The following MYBPC3 variants were observed in gnomAD, a reference collection of about 807,000 sequenced individuals.
MYBPC3 encodes the protein myosin-binding protein C, cardiac-type.
In MYBPC3, 108 loss-of-function variants were observed where a neutral mutation model predicts 159.3. The observed-to-expected ratio is 0.68, with a 90% CI of 0.58 to 0.80. The LOEUF (loss-of-function observed/expected upper bound fraction) is 0.80. Ranked by LOEUF, MYBPC3 falls within the 30% of genes least tolerant of loss-of-function variation. The pLI is 0.00. For missense variants in MYBPC3, 1,631 were observed against 1,762.1 expected (o/e 0.93, Z 1.33); for synonymous variants, 730 against 702.0 (o/e 1.04, Z -0.63).
chr11:47,351,189 GC>G lies in MYBPC3; in HGVS notation c.292+49del. ...TGGATGGATGGAGAGTCGCTGGGCT[GC>G]CCCTCCCCCAGCAGCCCAAACCTCA... On this transcript the variant is annotated intron_variant, in intron 2 of 34. Coordinates refer to ENST00000545968, the MANE Select transcript of MYBPC3 (RefSeq NM_000256.3). The surrounding 1 kb of genome is among the most constrained non-coding windows in gnomAD (Gnocchi z 4.2). 6.9e-7 allele frequency: 1 copy of G among 1,449,132 alleles called. No individual in the cohort carries two copies. The allele number at this position is 1,449,132 out of a possible 1,614,324, so 89.8% of individuals were successfully genotyped here.
chr11:47,332,308 A>G lies in MYBPC3; in HGVS notation c.3628-50T>C. ...GGGAAGCCATCCAGGCTGAGAGGGG[A>G]CCTGGCAGGGACCCAGGGAGACACA... On this transcript the variant is annotated intron_variant, in intron 32 of 34. Coordinates refer to ENST00000545968, the MANE Select transcript of MYBPC3 (RefSeq NM_000256.3). The surrounding 1 kb of genome is among the most constrained non-coding windows in gnomAD (Gnocchi z 4.2). The G allele has an allele frequency of 2.5e-6, 4 of 1,587,448 alleles. No homozygotes were observed. The highest frequency in any genetic ancestry group is 3.5e-6 in the Non-Finnish European group (4 of 1,156,776).
In MYBPC3 at chr11:47,343,019, A is replaced by G. The variant is rs397515897; in HGVS notation, c.1351+2T>C. 1 of 1,613,080 alleles carries G rather than the reference A, an allele frequency of 6.2e-7. No homozygotes were observed. The highest frequency in any genetic ancestry group is 1.3e-5 in the African/African-American group (1 of 75,018). On this transcript the variant is annotated splice_donor_variant, in intron 15 of 34. Coordinates refer to ENST00000545968, the MANE Select transcript of MYBPC3 (RefSeq NM_000256.3). LOFTEE classifies it high-confidence loss of function. ...TCCCACATCCTCAGGTCCCAGGCCC[A>G]CCTTTCACAAAGAGCTCCGTGCTAC...
Position 47,351,492 on chromosome 11 carries a change from G to C in MYBPC3, c.39C>G (p.Ser13Arg), listed in dbSNP as rs730880136. The change falls in exon 2 of 35, where the codon AGC (serine) becomes AGG (arginine). Residue 13 changes from serine to arginine, a missense_variant. Physicochemically the swap from Ser to Arg is moderately radical, Grantham distance 110. Coordinates refer to ENST00000545968, the MANE Select transcript of MYBPC3 (RefSeq NM_000256.3). The surrounding 1 kb of genome is among the most constrained non-coding windows in gnomAD (Gnocchi z 4.2). ...EPGKKPVSAF[S>R]KKPRSVEVAA... ...CCACTTCCACTGACCGTGGCTTCTTGCTAAAAGCTGAGACTGAAGGGCCAG... is the reference window on the plus strand; with the variant it reads ...CCACTTCCACTGACCGTGGCTTCTTCCTAAAAGCTGAGACTGAAGGGCCAG... 1 of 1,587,292 alleles carries C rather than the reference G, an allele frequency of 6.3e-7. No homozygotes were observed.
At chr11:47,347,818 A>G (rs954380093) in intron 7 of MYBPC3, 39 bp downstream of exon 7, 1 of 1,554,136 alleles carries the variant, frequency 6.4e-7, no homozygotes, top group East Asian at 2.4e-5. Context: ...CTCAGACTCC[A>G]GCACTGGCCT....
At position 47,348,408 on chromosome 11, in the gene MYBPC3, A is replaced by C; in HGVS notation, c.772+16T>G. On this transcript the variant is annotated intron_variant, in intron 6 of 34. Coordinates refer to ENST00000545968, the MANE Select transcript of MYBPC3 (RefSeq NM_000256.3). Reference sequence around the variant, plus strand: ...TGGGGAGCCCGAGCCCAGGACAGACACCAGGGCCCCCTCACCGTGGACAGT... The same window carrying C: ...TGGGGAGCCCGAGCCCAGGACAGACCCCAGGGCCCCCTCACCGTGGACAGT... 6.3e-7 allele frequency: 1 copy of C among 1,581,814 alleles called. No individual in the cohort carries two copies. Among genetic ancestry groups the C allele is most frequent in the Non-Finnish European group, 8.7e-7 (1 of 1,155,194 alleles).
chr11:47,342,139 A>G lies in MYBPC3; in HGVS notation c.1642T>C (p.Tyr548His). 2 of 1,613,962 alleles carry G rather than the reference A, an allele frequency of 1.2e-6. No homozygotes were observed. Among genetic ancestry groups the G allele is most frequent in the Non-Finnish European group, 1.7e-6 (2 of 1,179,878 alleles). The part of the protein sequence containing the change: ...LIVQEKKLEV[Y>H]QSIADLMVGA... The stretch of plus-strand genomic sequence containing the variant: ...ACCATCAGGTCTGCGATGCTCTGGT[A>G]CACCTCCAGCTTCTTTTCTGCAGGG... The change falls in exon 18 of 35, where the codon TAC becomes CAC. Residue 548 changes from tyrosine to histidine, a missense_variant. By Grantham distance (83) the Tyr-to-His change is moderately conservative. Coordinates refer to ENST00000545968, the MANE Select transcript of MYBPC3 (RefSeq NM_000256.3).
intron 3 of MYBPC3, 54 bp downstream of exon 3, chr11:47,350,448 C>T: frequency 6.5e-7 from 1 of 1,538,526 alleles, no homozygotes. Context: ...TTGAGACCTG[C>T]CCTGGACACG....
At chr11:47,341,526 G>C (rs2095888579) in intron 18 of MYBPC3, among the ~76,000 whole-genome samples, 1 of 152,206 alleles carries the variant, frequency 6.6e-6, no homozygotes, top group Non-Finnish European at 1.5e-5. Flanking sequence ...GTGAACTTGG[G>C]CCCAGCACGG....
chr11:47,346,398 G>C lies in MYBPC3; in HGVS notation c.927-28C>G, dbSNP rs771560787. On this transcript the variant is annotated intron_variant, in intron 11 of 34. Transcript: ENST00000545968. This position sits in a 1 kb window ranked among gnomAD's most constrained non-coding sequence, Gnocchi z 5.3. The stretch of plus-strand genomic sequence containing the variant: ...GTGTCCCGCAGTCTAGGCTGTGGCC[G>C]GGGGCAAGACTGCAGCCCCCTGGGC... 6.5e-7 allele frequency: 1 copy of C among 1,533,130 alleles called. No individual in the cohort carries two copies. Among genetic ancestry groups the C allele is most frequent in the South Asian group, 1.3e-5 (1 of 79,620 alleles). The allele number at this position is 1,533,130 out of a possible 1,614,324, so 95.0% of individuals were successfully genotyped here.
chr11:47,342,847 C>T lies in MYBPC3; in HGVS notation c.1440G>A (p.Glu480=), dbSNP rs749110971. The T allele has an allele frequency of 3.7e-6, 6 of 1,612,752 alleles. No individual in the cohort carries two copies. The South Asian group carries it at 5.5e-5, about 15-fold the overall frequency. ...RVEFECEVSE[E]GAQVKWLKDG... is the part of the protein sequence containing the mutation. ...GAACTCACCATTTGACTTGCGCCCC[C>T]TCCTCCGATACTTCACACTCAAACT... The change falls in exon 16 of 35, where the codon GAG becomes GAA. Residue 480 remains glutamate, a synonymous_variant. Transcript: ENST00000545968.
intron 8 of MYBPC3, 28 bp downstream of exon 8, chr11:47,347,623 G>C (rs1220068172): frequency 6.4e-7 from 1 of 1,570,440 alleles, no homozygotes. Context: ...TCTGCGGATG[G>C]TGCAGGTAGG....
At position 47,352,665 on chromosome 11, in the gene MYBPC3, C is replaced by A; in HGVS notation, c.-18G>T. The A allele has an allele frequency of 1.3e-6, 2 of 1,587,340 alleles. No homozygotes were observed. The highest frequency in any genetic ancestry group is 1.8e-5 in the Admixed American group (1 of 56,612). ...TCAGGCATCCTGAGAGACGTCACAC[C>A]AGGCACGAAGCAGGCACAGGTCACC... On this transcript the variant is annotated 5_prime_UTR_variant, in exon 1 of 35. Coordinates refer to ENST00000545968, the MANE Select transcript of MYBPC3 (RefSeq NM_000256.3).
chr11:47,339,550 G>T, intron 21 of MYBPC3, 101 bp downstream of exon 21: 1 of 1,482,348 alleles, frequency 6.7e-7, no homozygotes, highest in South Asian at 1.3e-5. Flanking sequence ...GCCAACAGCA[G>T]GGCGTGCACA....
At position 47,346,163 on chromosome 11, in the gene MYBPC3, G is replaced by T. The variant is rs1176291931; in HGVS notation, c.1090+44C>A. The stretch of plus-strand genomic sequence containing the variant: ...CCCTCTCCTCTCCTGTGTAGGGAAG[G>T]GCTAGCCTGTGCCCTCTCCTCTCCC... On this transcript the variant is annotated intron_variant, in intron 12 of 34. Coordinates refer to ENST00000545968, the MANE Select transcript of MYBPC3 (RefSeq NM_000256.3). This position sits in a 1 kb window ranked among gnomAD's most constrained non-coding sequence, Gnocchi z 5.3. 3.1e-5 allele frequency: 50 copies of T among 1,610,582 alleles called. No individual in the cohort carries two copies. The highest frequency in any genetic ancestry group is 4.1e-5 in the Non-Finnish European group (48 of 1,178,646).
At position 47,346,495 on chromosome 11, in the gene MYBPC3, C is replaced by T. The variant is rs368775136; in HGVS notation, c.927-125G>A. 6.9e-7 allele frequency: 1 copy of T among 1,453,844 alleles called. No homozygotes were observed. The highest frequency in any genetic ancestry group is 2.6e-5 in the Admixed American group (1 of 38,924). 90.1% of individuals were successfully genotyped at this position (1,453,844 alleles called of 1,614,324 possible). A position where few individuals can be genotyped will look rare whatever the true frequency, so the allele number is the denominator to read the frequency against. ...CTCTGCCCCTTCCCTTCTGGTGGGG[C>T]AGCTGGAGCTGCTCTGGGTCCCAGG... On this transcript the variant is annotated intron_variant, in intron 11 of 34. Coordinates refer to ENST00000545968, the MANE Select transcript of MYBPC3 (RefSeq NM_000256.3). The surrounding 1 kb of genome is among the most constrained non-coding windows in gnomAD (Gnocchi z 5.3).
In MYBPC3 at chr11:47,349,759, C is replaced by T. The variant is rs1164669480; in HGVS notation, c.654+15G>A. The T allele has an allele frequency of 6.2e-7, 1 of 1,600,412 alleles. No homozygotes were observed. The highest frequency in any genetic ancestry group is 8.5e-7 in the Non-Finnish European group (1 of 1,179,056). On this transcript the variant is annotated intron_variant, in intron 5 of 34. Coordinates refer to ENST00000545968, the MANE Select transcript of MYBPC3 (RefSeq NM_000256.3). ...GTCCCCTCTCTCCGTGTCTCCACGA[C>T]CCCGGTGGACCCACCTTGCTGGCGC...
chr11:47,337,319 G>A lies in MYBPC3; in HGVS notation c.2602+72C>T, dbSNP rs2142854985. 3 of 1,471,008 alleles carry A rather than the reference G, an allele frequency of 2.0e-6. No homozygotes were observed. The East Asian group carries it at 6.9e-5, about 34-fold the overall frequency. The allele number at this position is 1,471,008 out of a possible 1,614,324, so 91.1% of individuals were successfully genotyped here. ...TGAGTGTCTAGCATGGCTGCCTGCAGAGCACCTGCTATTATTGGAGGTTTT... is the reference window on the plus strand; with the variant it reads ...TGAGTGTCTAGCATGGCTGCCTGCAAAGCACCTGCTATTATTGGAGGTTTT... On this transcript the variant is annotated intron_variant, in intron 25 of 34. Coordinates refer to ENST00000545968, the MANE Select transcript of MYBPC3 (RefSeq NM_000256.3).
At chr11:47,347,258 C>T in intron 9 of MYBPC3, 168 bp downstream of exon 9, 1 of 985,372 alleles carries the variant, frequency 1.0e-6, no homozygotes, top group South Asian at 4.7e-5. Context: ...ATAATGTCTG[C>T]AGAGCCCTTT....
At chr11:47,349,735 T>A in intron 5 of MYBPC3, 39 bp downstream of exon 5, 1 of 1,591,664 alleles carries the variant, frequency 6.3e-7, no homozygotes. Context: ...GCTCTCCATG[T>A]CCCCTCTCTC....
Sources: allele counts gnomAD v4.1 joint callset (sites outside exome capture counted in the v4.1 genomes callset), GRCh38; gene constraint gnomAD v4.1.1; non-coding constraint Gnocchi (gnomAD v3.1); transcripts MANE v1.5; gene names NCBI Gene and HGNC (gene_info 2026-07-23, HGNC 2026-07-21).